EPHA5: variants seen among roughly 807,000 people sequenced by gnomAD.
EPHA5 encodes the protein EPH receptor A5, also known as ephrin type-A receptor 5.
In EPHA5, 60 loss-of-function variants were observed where a neutral mutation model predicts 105.0. The ratio of observed to expected loss-of-function variants is 0.57; its 90% CI spans 0.46 to 0.71. EPHA5 has a LOEUF of 0.71. Ranked by LOEUF, EPHA5 falls within the 30% of genes least tolerant of loss-of-function variation. The pLI is 0.00. For missense variants in EPHA5, 1,218 were observed against 1,274.7 expected (o/e 0.96, Z 0.68); for synonymous variants, 513 against 449.1 (o/e 1.14, Z -1.80).
At position 65,351,414 on chromosome 4, in the gene EPHA5, T is replaced by C. The variant is rs374985302; in HGVS notation, c.2420A>G (p.Asp807Gly). 1 of 1,613,612 alleles carries C rather than the reference T, an allele frequency of 6.2e-7. No homozygotes were observed. The highest frequency in any genetic ancestry group is 8.5e-7 in the Non-Finnish European group (1 of 1,179,780). Residue 807 changes from aspartate to glycine, a missense_variant, in exon 13 of 17, where the codon GAT (aspartate) becomes GGT (glycine). Coordinates refer to ENST00000613740, the MANE Select transcript of EPHA5 (RefSeq NM_001281766.3). ...CCTTGTGGTGTAGGCTGCCTCGGGA[T>C]CATCTTCCAGTACCCGGGAAAGTCC... ...DFGLSRVLEDDPEAAYTTRGG... is the reference protein window; with the variant it reads ...DFGLSRVLEDGPEAAYTTRGG...
chr4:65,529,967 T>C (rs2149299539), intron 3 of EPHA5, among the ~76,000 whole-genome samples: 1 of 152,214 alleles, frequency 6.6e-6, no homozygotes, highest in East Asian at 1.9e-4. Flanking sequence ...AAATAAGATA[T>C]TTGAGAAAGC....
At chr4:65,358,587 A>T (rs1723530431) in intron 11 of EPHA5, among the ~76,000 whole-genome samples, 1 of 151,640 alleles carries the variant, frequency 6.6e-6, no homozygotes, top group African/African-American at 2.4e-5. Context: ...TACTTGTAGT[A>T]GGAATAGGTA....
intron 11 of EPHA5, among the ~76,000 whole-genome samples, chr4:65,356,870 C>T (rs530377958): frequency 6.6e-6 from 1 of 151,564 alleles, no homozygotes; most frequent in East Asian, 1.9e-4. Flanking sequence ...ATGGCTTACT[C>T]TAACCCTTGT....
intron 14 of EPHA5, among the ~76,000 whole-genome samples, chr4:65,344,031 G>C (rs978889670): frequency 1.1e-4 from 16 of 151,832 alleles, no homozygotes; most frequent in African/African-American, 3.9e-4. Flanking sequence ...TACTATGAGA[G>C]TAAAAATAGA....
At chr4:65,469,752 A>C (rs1166184265) in intron 5 of EPHA5, among the ~76,000 whole-genome samples, 1 of 152,196 alleles carries the variant, frequency 6.6e-6, no homozygotes, top group Non-Finnish European at 1.5e-5. Flanking sequence ...GGCATGTTGT[A>C]ATACATTTTT....
At chr4:65,359,521 TTCCTCA>T (rs992799434) in intron 11 of EPHA5, among the ~76,000 whole-genome samples, 2 of 151,572 alleles carry the variant, frequency 1.3e-5, no homozygotes, top group Non-Finnish European at 3.0e-5. Flanking sequence ...CTTAATCTTG[TTCCTCA>T]TAAGCTTTTC....
chr4:65,574,709 CATATATATATACATATATATACAT>C (rs1350359351), intron 3 of EPHA5, among the ~76,000 whole-genome samples: 218 of 67,770 alleles, frequency 3.2e-3, no homozygotes, highest in African/African-American at 0.01. Flanking sequence ...CATATATATA[CATATATATATACATATATATACAT>C]ATATATATAC....
chr4:65,361,412 T>A (rs1246485414), intron 11 of EPHA5, among the ~76,000 whole-genome samples: 2 of 151,572 alleles, frequency 1.3e-5, no homozygotes, highest in Non-Finnish European at 1.5e-5. Context: ...AGGTTAAGTA[T>A]GAAAGTCTAT....
chr4:65,647,081 C>T (rs1748172014), intron 1 of EPHA5, among the ~76,000 whole-genome samples: 1 of 152,030 alleles, frequency 6.6e-6, no homozygotes, highest in African/African-American at 2.4e-5. Context: ...GTAATCCCAG[C>T]ACTTTGGGAG....
At chr4:65,438,615 A>T (rs1375520804) in intron 5 of EPHA5, among the ~76,000 whole-genome samples, 1 of 152,018 alleles carries the variant, frequency 6.6e-6, no homozygotes, top group Non-Finnish European at 1.5e-5. Flanking sequence ...ATGTGAGCTG[A>T]AGCTTAAAAT....
chr4:65,494,048 T>A (rs1280129887), intron 4 of EPHA5, among the ~76,000 whole-genome samples: 1 of 152,202 alleles, frequency 6.6e-6, no homozygotes, highest in Non-Finnish European at 1.5e-5. Flanking sequence ...AATCATAGTT[T>A]ATATCTTCTC....
At chr4:65,333,851 T>C (rs1720923877) in intron 15 of EPHA5, among the ~76,000 whole-genome samples, 1 of 151,452 alleles carries the variant, frequency 6.6e-6, no homozygotes, top group South Asian at 2.1e-4. Context: ...AAGACCACAC[T>C]CCTCATCTCC....
intron 15 of EPHA5, among the ~76,000 whole-genome samples, chr4:65,334,494 T>C (rs183605330): frequency 3.2e-4 from 48 of 152,094 alleles, no homozygotes; most frequent in Non-Finnish European, 4.0e-4. Context: ...ATTCAAGATA[T>C]TTAGAGATAC....
At chr4:65,573,430 A>C (rs1740441192) in intron 3 of EPHA5, 2 of 1,049,848 alleles carry the variant, frequency 1.9e-6, no homozygotes, top group Admixed American at 3.4e-5. Context: ...AAAAAAAAAA[A>C]AAAAAGAAGC....
intron 8 of EPHA5, among the ~76,000 whole-genome samples, chr4:65,371,266 T>C (rs1718438870): frequency 6.6e-6 from 1 of 152,118 alleles, no homozygotes; most frequent in South Asian, 2.1e-4. Flanking sequence ...TGCTCTTTAG[T>C]AATAGAGATG....
chr4:65,508,838 C>T (rs1733322588), intron 3 of EPHA5, among the ~76,000 whole-genome samples: 1 of 151,870 alleles, frequency 6.6e-6, no homozygotes, highest in Non-Finnish European at 1.5e-5. Flanking sequence ...AAAACTATCC[C>T]TGATTGTGAG....
chr4:65,329,549 TATTA>T (rs1248286169), intron 16 of EPHA5, among the ~76,000 whole-genome samples: 1 of 151,502 alleles, frequency 6.6e-6, no homozygotes, highest in African/African-American at 2.4e-5. Context: ...ATTCGCTTTA[TATTA>T]ATTGATTTTC....
At chr4:65,428,538 C>T (rs988960535) in intron 5 of EPHA5, among the ~76,000 whole-genome samples, 1 of 152,090 alleles carries the variant, frequency 6.6e-6, no homozygotes, top group African/African-American at 2.4e-5. Context: ...GCAACTGGAT[C>T]TTTTGATATA....
chr4:65,659,633 A>G (rs1560833410), intron 1 of EPHA5, among the ~76,000 whole-genome samples: 1 of 152,174 alleles, frequency 6.6e-6, no homozygotes, highest in East Asian at 1.9e-4. Flanking sequence ...ACATACGTAA[A>G]CCACTTAGAA....
Sources: allele counts gnomAD v4.1 joint callset (sites outside exome capture counted in the v4.1 genomes callset), GRCh38; gene constraint gnomAD v4.1.1; transcripts MANE v1.5; gene names NCBI Gene and HGNC (gene_info 2026-07-23, HGNC 2026-07-21).